The following FBXL4 variants were observed in gnomAD, a reference collection of about 807,000 sequenced individuals.
FBXL4 encodes F-box and leucine rich repeat protein 4.
FBXL4 carries 40 observed loss-of-function variants against 58.9 expected under a neutral mutation model. The observed-to-expected ratio is 0.68, with a 90% CI of 0.53 to 0.88. The LOEUF (loss-of-function observed/expected upper bound fraction) is 0.88. Among genes scored for constraint, FBXL4 ranks in the 40% least tolerant of loss-of-function variants. The pLI is 0.00. For synonymous variants in FBXL4, 263 were observed against 265.5 expected, an observed-to-expected ratio of 0.99 and a Z score of 0.09; for missense variants, 676 against 734.4, an observed-to-expected ratio of 0.92 and a Z score of 0.92.
At chr6:98,933,060 AT>A (rs1364435458) in intron 2 of FBXL4, among the ~76,000 whole-genome samples, 1 of 152,222 alleles carries the variant, frequency 6.6e-6, no homozygotes, top group East Asian at 1.9e-4. Flanking sequence ...AAGACATACT[AT>A]TCTGAGGAAG....
rs1159923107 is a variant in FBXL4 at position 98,873,665 on chromosome 6, G to A, written c.*613C>T. ...CACAGGTGCAATCATAAGTACACTA[G>A]AGTCTCAAAATCCCATCTCAAGTAA... On this transcript the variant is annotated 3_prime_UTR_variant, in exon 10 of 10. Coordinates refer to ENST00000369244, the MANE Select transcript of FBXL4 (RefSeq NM_001278716.2). The A allele has an allele frequency of 6.6e-6, 1 of 152,102 alleles. No homozygotes were observed. Among genetic ancestry groups the A allele is most frequent in the Non-Finnish European group, 1.5e-5 (1 of 68,042 alleles). The allele number at this position is 152,102 out of a possible 1,614,324, so 9.4% of individuals were successfully genotyped here.
At chr6:98,928,651 A>G (rs1409461239) in intron 2 of FBXL4, among the ~76,000 whole-genome samples, 1 of 152,100 alleles carries the variant, frequency 6.6e-6, no homozygotes, top group Non-Finnish European at 1.5e-5. Context: ...TTAATAGAGC[A>G]ATGCACTAGT....
chr6:98,880,889 C>T lies in FBXL4; in HGVS notation c.1318-265G>A, dbSNP rs573454831. Among the ~76,000 whole-genome samples the T allele has an allele frequency of 5.3e-4, 81 of 152,180 alleles. 1 individual carries two copies. Among genetic ancestry groups the T allele is most frequent in the South Asian group, 8.3e-4 (4 of 4,824 alleles). Reference sequence around the variant, plus strand: ...GGATGCCCTAAAGATACCTATATTCCCTATGACCTCTCGGTTCATTTCCCA... The same window carrying T: ...GGATGCCCTAAAGATACCTATATTCTCTATGACCTCTCGGTTCATTTCCCA... On this transcript the variant is annotated intron_variant, in intron 7 of 9. Transcript: ENST00000369244.
At chr6:98,905,794 A>T in intron 5 of FBXL4, 124 bp from the exon 6 acceptor site, 2 of 946,992 alleles carry the variant, frequency 2.1e-6, no homozygotes. Context: ...TTCACATAGT[A>T]AATAAACATC....
At chr6:98,942,125 T>TA (rs1773455214) in intron 1 of FBXL4, among the ~76,000 whole-genome samples, 1 of 150,308 alleles carries the variant, frequency 6.7e-6, no homozygotes, top group South Asian at 2.1e-4. Flanking sequence ...CAAAATTAAA[T>TA]AAAAAATATT....
At chr6:98,912,584 T>C (rs995244589) in intron 5 of FBXL4, among the ~76,000 whole-genome samples, 1 of 152,030 alleles carries the variant, frequency 6.6e-6, no homozygotes, top group African/African-American at 2.4e-5. Flanking sequence ...CTAAGCTTCA[T>C]AAGTGAAGGA....
chr6:98,931,690 T>C (rs1423639510), intron 2 of FBXL4, among the ~76,000 whole-genome samples: 1 of 152,192 alleles, frequency 6.6e-6, no homozygotes, highest in Non-Finnish European at 1.5e-5. Flanking sequence ...TACAAACCCA[T>C]TGCTAACGTC....
chr6:98,906,440 TGTTA>T (rs932916981), intron 5 of FBXL4, among the ~76,000 whole-genome samples: 142 of 151,914 alleles, frequency 9.3e-4, no homozygotes, highest in African/African-American at 3.4e-3. Context: ...TCTGTTCCTG[TGTTA>T]GTTTGCTGAG....
chr6:98,935,876 T>C (rs1773200639), intron 1 of FBXL4, among the ~76,000 whole-genome samples: 1 of 151,438 alleles, frequency 6.6e-6, no homozygotes, highest in African/African-American at 2.4e-5. Context: ...AGATATGCAA[T>C]GATATTTAAC....
chr6:98,880,643 T>A lies in FBXL4; in HGVS notation c.1318-19A>T. 1.9e-6 allele frequency: 3 copies of A among 1,608,472 alleles called. No individual in the cohort carries two copies. Among genetic ancestry groups the A allele is most frequent in the Non-Finnish European group, 2.6e-6 (3 of 1,175,266 alleles). On this transcript the variant is annotated intron_variant, in intron 7 of 9. Transcript: ENST00000369244. ...CTGTTTGCTGCCATTAGGGACCACA[T>A]CAGAGGCAAATATGGAAAGTGAATG...
In FBXL4 at chr6:98,869,478, A is replaced by G. The variant is rs945526807; in HGVS notation, c.*4800T>C. On this transcript the variant is annotated 3_prime_UTR_variant, in exon 10 of 10. Coordinates refer to ENST00000369244, the MANE Select transcript of FBXL4 (RefSeq NM_001278716.2). ...AAAGACTGTGTCTCTATAAAAAATA[A>G]AAAAATTAGCCAGGTGTGGTGGTGT... is the stretch of plus-strand genomic sequence containing the variant. 3 of 152,126 alleles carry G rather than the reference A, an allele frequency of 2.0e-5. No individual in the cohort carries two copies. The highest frequency in any genetic ancestry group is 7.2e-5 in the African/African-American group (3 of 41,434). The allele number at this position is 152,126 out of a possible 1,614,324, so 9.4% of individuals were successfully genotyped here.
In FBXL4 at chr6:98,926,544, C is replaced by T. The variant is rs1345325140; in HGVS notation, c.445G>A (p.Gly149Arg). ...CAAGCGAGAATTCTAATGACTGCTC[C>T]GGGATGATAGGTTTCTAGAACATGT... ...AVHVLETYHP[G>R]AVIRILACSA... Residue 149 changes from glycine to arginine, a missense_variant, in exon 4 of 10, where the codon GGA becomes AGA. Physicochemically the swap from Gly to Arg is moderately radical, Grantham distance 125 (BLOSUM62 -2). Coordinates refer to ENST00000369244, the MANE Select transcript of FBXL4 (RefSeq NM_001278716.2). 3.7e-6 allele frequency: 6 copies of T among 1,613,924 alleles called. No individual in the cohort carries two copies. The highest frequency in any genetic ancestry group is 1.3e-5 in the African/African-American group (1 of 74,894).
At chr6:98,880,177 G>A (rs1268609987) in intron 8 of FBXL4, among the ~76,000 whole-genome samples, 1 of 152,006 alleles carries the variant, frequency 6.6e-6, no homozygotes, top group East Asian at 1.9e-4. Context: ...AGTATCTCAG[G>A]ATTTAAAAGC....
Position 98,905,596 on chromosome 6 carries a change from G to T in FBXL4, c.933C>A (p.Ser311Arg). ...ATTGCAGAGGATCACAGCAATGCTGGCTCAGTAGTTTGCAAGTCTGTGCTA... is the reference window on the plus strand; with the variant it reads ...ATTGCAGAGGATCACAGCAATGCTGTCTCAGTAGTTTGCAAGTCTGTGCTA... Reference protein sequence around the residue: ...CRLAQTCKLLSQHCCDPLQYI... With the variant: ...CRLAQTCKLLRQHCCDPLQYI... Residue 311 changes from serine to arginine, a missense_variant, in exon 6 of 10, where the codon AGC (serine) becomes AGA (arginine). Ser to Arg is a moderately radical substitution (Grantham distance 110). Transcript: ENST00000369244. 6.2e-7 allele frequency: 1 copy of T among 1,612,970 alleles called. No homozygotes were observed. Among genetic ancestry groups the T allele is most frequent in the Non-Finnish European group, 8.5e-7 (1 of 1,179,690 alleles).
At chr6:98,919,662 T>C (rs941782512) in intron 4 of FBXL4, among the ~76,000 whole-genome samples, 1 of 152,170 alleles carries the variant, frequency 6.6e-6, no homozygotes, top group Non-Finnish European at 1.5e-5. Flanking sequence ...GGAATTGATT[T>C]GAATACTCTA....
At chr6:98,885,910 G>A (rs1233170686) in intron 7 of FBXL4, among the ~76,000 whole-genome samples, 3 of 152,200 alleles carry the variant, frequency 2.0e-5, no homozygotes, top group African/African-American at 7.2e-5. Flanking sequence ...GAAGCCAGCT[G>A]CCATGTCATG....
intron 4 of FBXL4, among the ~76,000 whole-genome samples, chr6:98,926,036 A>G (rs1772766088): frequency 6.6e-6 from 1 of 152,234 alleles, no homozygotes; most frequent in African/African-American, 2.4e-5. Flanking sequence ...TGTTGCAAAA[A>G]CATTCAACTA....
chr6:98,890,105 C>T (rs1771173099), intron 7 of FBXL4, among the ~76,000 whole-genome samples: 1 of 152,128 alleles, frequency 6.6e-6, no homozygotes, highest in Non-Finnish European at 1.5e-5. Flanking sequence ...TGCTATTTTA[C>T]ATTAATGTAA....
intron 7 of FBXL4, chr6:98,898,656 G>A: frequency 1.0e-6 from 1 of 985,050 alleles, no homozygotes; most frequent in Non-Finnish European, 1.2e-6. Context: ...TAGGTAGTTT[G>A]TAAAAGGAAA....
Sources: allele counts gnomAD v4.1 joint callset (sites outside exome capture counted in the v4.1 genomes callset), GRCh38; gene constraint gnomAD v4.1.1; transcripts MANE v1.5; gene names NCBI Gene and HGNC (gene_info 2026-07-23, HGNC 2026-07-21).